The following CIB3 variants were observed in gnomAD, a reference collection of about 807,000 sequenced individuals.
The protein encoded by CIB3 is calcium and integrin binding family member 3, also known as calcium and integrin-binding family member 3.
A neutral mutation model predicts 23.4 loss-of-function variants in CIB3; 22 were observed. That is an observed-to-expected ratio of 0.94 (90% CI 0.67 to 1.34). The LOEUF is 1.34. CIB3 is among the 40% of genes most tolerant of loss of function. The pLI, the probability that CIB3 is intolerant of heterozygous loss-of-function variation, is 0.00. For synonymous variants in CIB3, 93 were observed against 95.8 expected (o/e 0.97, Z 0.17); for missense variants, 258 against 247.3 (o/e 1.04, Z -0.29).
chr19:16,166,276 A>G (rs1229728391), intron 4 of CIB3, among the ~76,000 whole-genome samples: 1 of 152,116 alleles, frequency 6.6e-6, no homozygotes, highest in Non-Finnish European at 1.5e-5. Flanking sequence ...GGGCGACAAG[A>G]GTGAGACGCT....
At position 16,169,638 on chromosome 19, in the gene CIB3, C is replaced by T. The variant is rs547459427; in HGVS notation, c.190G>A (p.Glu64Lys). 25 of 1,612,962 alleles carry T rather than the reference C, an allele frequency of 1.5e-5. No individual in the cohort carries two copies. Among genetic ancestry groups the T allele is most frequent in the Admixed American group, 1.3e-4 (8 of 59,938 alleles). ...VPYELIGSMP[E>K]LKDNPFRQRI... ...CCATGGCCTGGGCATACCTTCAGCTCGGGCATGCTGCCAATGAGCTCGTAG... is the reference window on the plus strand; with the variant it reads ...CCATGGCCTGGGCATACCTTCAGCTTGGGCATGCTGCCAATGAGCTCGTAG... Residue 64 changes from glutamate (E) to lysine (K), a missense_variant, in exon 3 of 6, where the codon GAG (glutamate) becomes AAG (lysine). Glu to Lys is a moderately conservative substitution (Grantham distance 56, BLOSUM62 1). Transcript: ENST00000269878.
Position 16,161,500 on chromosome 19 carries a change from G to C in CIB3, c.543-14C>G. ...ATGTGGAAGGTGCTGTGTGCAGAGA[G>C]AAAAGGAGTCAAGGCCTTCAAGGAG... On this transcript the variant is annotated splice_polypyrimidine_tract_variant and intron_variant, in intron 5 of 5. Transcript: ENST00000269878. 1 of 1,613,900 alleles carries C rather than the reference G, an allele frequency of 6.2e-7. No individual in the cohort carries two copies. The highest frequency in any genetic ancestry group is 8.5e-7 in the Non-Finnish European group (1 of 1,179,942).
chr19:16,162,483 G>A (rs1337460796), intron 5 of CIB3, among the ~76,000 whole-genome samples: 3 of 151,932 alleles, frequency 2.0e-5, no homozygotes, highest in African/African-American at 7.3e-5. Flanking sequence ...CGGGCATGAC[G>A]GCTCACGCCT....
chr19:16,172,081 C>G (rs60912784), intron 2 of CIB3, among the ~76,000 whole-genome samples: 1 of 152,360 alleles, frequency 6.6e-6, no homozygotes, highest in African/African-American at 2.4e-5. Context: ...ATGCCAAGCC[C>G]ACAACCCAGA....
rs183630860 is a variant in CIB3 at position 16,170,492 on chromosome 19, C to A, written c.87-751G>T. Reference sequence around the variant, plus strand: ...CAGCAAGACCCTGCCTCCAAAGATACCTTCACTTTCATACCTTCCCTTCCT... The same window carrying A: ...CAGCAAGACCCTGCCTCCAAAGATAACTTCACTTTCATACCTTCCCTTCCT... On this transcript the variant is annotated intron_variant, in intron 2 of 5. Transcript: ENST00000269878. Among the ~76,000 whole-genome samples, 13 of 152,288 alleles carry A rather than the reference C, an allele frequency of 8.5e-5. 1 individual carries two copies. Among genetic ancestry groups the A allele is most frequent in the South Asian group, 8.3e-4 (4 of 4,830 alleles).
At position 16,164,965 on chromosome 19, in the gene CIB3, C is replaced by T. The variant is rs376493078; in HGVS notation, c.347-52G>A. 5.2e-3 allele frequency: 7,788 copies of T among 1,486,416 alleles called. 46 individuals carry two copies. Among genetic ancestry groups the T allele is most frequent in the Middle Eastern group, 0.018 (102 of 5,798 alleles). The allele number at this position is 1,486,416 out of a possible 1,614,324, so 92.1% of individuals were successfully genotyped here. On this transcript the variant is annotated intron_variant, in intron 4 of 5. Transcript: ENST00000269878. Reference sequence around the variant, plus strand: ...ACAGCAGGTGGCAGGAGGGCTAGGCCGGCTGTGGGCACATACTGTGCCCAT... The same window carrying T: ...ACAGCAGGTGGCAGGAGGGCTAGGCTGGCTGTGGGCACATACTGTGCCCAT...
intron 3 of CIB3, among the ~76,000 whole-genome samples, chr19:16,169,072 C>T (rs1183837880): frequency 2.6e-5 from 4 of 152,168 alleles, no homozygotes; most frequent in Admixed American, 2.6e-4. Flanking sequence ...ACAACACACC[C>T]TGTACTGAAT....
chr19:16,166,587 T>C (rs959229308), intron 4 of CIB3, among the ~76,000 whole-genome samples: 5 of 152,206 alleles, frequency 3.3e-5, no homozygotes, highest in Non-Finnish European at 5.9e-5. Context: ...CATTCATCCA[T>C]TCAGGAAGTA....
At chr19:16,172,994 G>A (rs1389882627) in intron 2 of CIB3, among the ~76,000 whole-genome samples, 168 bp downstream of exon 2, 3 of 122,614 alleles carry the variant, frequency 2.4e-5, no homozygotes, top group Admixed American at 9.1e-5. Context: ...AGGGAGGGAG[G>A]GAGGGAGAGA....
At position 16,165,031 on chromosome 19, in the gene CIB3, C is replaced by T. The variant is rs2091300391; in HGVS notation, c.347-118G>A. On this transcript the variant is annotated intron_variant, in intron 4 of 5. Transcript: ENST00000269878. ...AACTAAGGTCGGGCACGGTGGCTCACGCCTGTAATCCCAACACTTTGGGAG... is the reference window on the plus strand; with the variant it reads ...AACTAAGGTCGGGCACGGTGGCTCATGCCTGTAATCCCAACACTTTGGGAG... 29 of 831,924 alleles carry T rather than the reference C, an allele frequency of 3.5e-5. 1 individual carries two copies. The highest frequency in any genetic ancestry group is 4.9e-4 in the Middle Eastern group (2 of 4,122). The allele number at this position is 831,924 out of a possible 1,614,324, so 51.5% of individuals were successfully genotyped here. A position where few individuals can be genotyped will look rare whatever the true frequency, so the allele number is the denominator to read the frequency against.
chr19:16,165,041 C>A (rs2091300450), intron 4 of CIB3, 128 bp from the exon 5 acceptor site: 1 of 767,430 alleles, frequency 1.3e-6, no homozygotes, highest in Admixed American at 2.3e-5. Context: ...CGCCTGTAAT[C>A]CCAACACTTT....
chr19:16,165,097 C>G (rs1318003006), intron 4 of CIB3, among the ~76,000 whole-genome samples, 184 bp from the exon 5 acceptor site: 1 of 152,014 alleles, frequency 6.6e-6, no homozygotes, highest in Non-Finnish European at 1.5e-5. Context: ...AGTTCGAGAC[C>G]AGCCTGGCCA....
chr19:16,167,239 C>A (rs530481132), intron 4 of CIB3, among the ~76,000 whole-genome samples: 22 of 151,848 alleles, frequency 1.4e-4, no homozygotes, highest in African/African-American at 5.1e-4. Flanking sequence ...AAAACACACA[C>A]ACAAAAAAAA....
At chr19:16,170,723 G>A (rs898039690) in intron 2 of CIB3, among the ~76,000 whole-genome samples, 8 of 152,064 alleles carry the variant, frequency 5.3e-5, no homozygotes, top group African/African-American at 9.7e-5. Context: ...TCGGGAGGCC[G>A]AGGCAGGAGA....
At chr19:16,168,412 C>G in intron 3 of CIB3, 128 bp from the exon 4 acceptor site, 2 of 1,323,422 alleles carry the variant, frequency 1.5e-6, no homozygotes, top group Non-Finnish European at 1.0e-6. Context: ...CCACTCCCTC[C>G]CATGGTCCCT....
rs541349974 is a variant in CIB3 at position 16,164,826 on chromosome 19, A to G, written c.434T>C (p.Val145Ala). The change falls in exon 5 of 6, where the codon GTG becomes GCG. Residue 145 changes from valine to alanine, a missense_variant. Coordinates refer to ENST00000269878, the MANE Select transcript of CIB3 (RefSeq NM_054113.4). Reference protein sequence around the residue: ...LTRGGLSAEEVSLVCEKVLDE... With the variant: ...LTRGGLSAEEASLVCEKVLDE... ...CAGCACCTTCTCACATACCAGGCTCACCTCCTCGGCACTCAGCCCCCCCCG... is the reference window on the plus strand; with the variant it reads ...CAGCACCTTCTCACATACCAGGCTCGCCTCCTCGGCACTCAGCCCCCCCCG... 2 of 1,613,636 alleles carry G rather than the reference A, an allele frequency of 1.2e-6. No homozygotes were observed. The highest frequency in any genetic ancestry group is 1.7e-5 in the Admixed American group (1 of 59,910).
chr19:16,168,075 C>T, intron 4 of CIB3, 62 bp downstream of exon 4: 20 of 1,530,342 alleles, frequency 1.3e-5, no homozygotes, highest in Non-Finnish European at 1.8e-5. Context: ...TGGGTGCCAC[C>T]CACCCAGTTC....
At chr19:16,172,554 A>G (rs1227085669) in intron 2 of CIB3, among the ~76,000 whole-genome samples, 1 of 152,192 alleles carries the variant, frequency 6.6e-6, no homozygotes, top group Non-Finnish European at 1.5e-5. Flanking sequence ...TCATCAGCCT[A>G]GAGACTGGGA....
In CIB3 at chr19:16,164,663, G is replaced by T. The variant is rs562507976; in HGVS notation, c.542+55C>A. ...GAAACAGAGTCTGTGAACTGTCTGC[G>T]TAAGAGCCCCTTCAGATGTGCAAAT... On this transcript the variant is annotated intron_variant, in intron 5 of 5. Transcript: ENST00000269878. 14 of 1,491,022 alleles carry T rather than the reference G, an allele frequency of 9.4e-6. No individual in the cohort carries two copies. In the African/African-American group the frequency reaches 1.8e-4, roughly 19 times the overall value. 92.4% of individuals were successfully genotyped at this position (1,491,022 alleles called of 1,614,324 possible).
Sources: allele counts gnomAD v4.1 joint callset (sites outside exome capture counted in the v4.1 genomes callset), GRCh38; gene constraint gnomAD v4.1.1; transcripts MANE v1.5; gene names NCBI Gene and HGNC (gene_info 2026-07-23, HGNC 2026-07-21).